CHN2: variants seen among roughly 807,000 people sequenced by gnomAD.
CHN2 encodes the protein chimerin 2, also known as beta-chimaerin.
Under a neutral mutation model 56.3 loss-of-function variants are expected in CHN2, and 35 were observed. The ratio of observed to expected loss-of-function variants is 0.62; its 90% CI spans 0.47 to 0.82. The LOEUF is 0.82. CHN2 is among the 40% of genes least tolerant of loss of function. The probability of loss-of-function intolerance (pLI) is 0.00; values close to 1 mark genes in which losing one functional copy is unlikely to be tolerated. For synonymous variants in CHN2, 210 were observed against 212.8 expected (o/e 0.99, Z 0.12); for missense variants, 491 against 580.5 (o/e 0.85, Z 1.58).
At chr7:29,299,484 TCACTGTATCCAGCAA>T (rs1281424533) in intron 1 of CHN2, among the ~76,000 whole-genome samples, 2 of 152,152 alleles carry the variant, frequency 1.3e-5, no homozygotes, top group African/African-American at 4.8e-5. Context: ...AAATTTTTGC[TCACTGTATCCAGCAA>T]CACCGCCTCT....
rs193290902 is a variant in CHN2, at chr7:29,247,577, C to T, written c.49+52587C>T. On this transcript the variant is annotated intron_variant, in intron 1 of 12. Coordinates refer to ENST00000222792, the MANE Select transcript of CHN2 (RefSeq NM_004067.4). ...GTCTGTGCAGTGGCTAAGAAGGGGCCAGAATTTATTTGTTCTTTCCCCTTG... is the reference window on the plus strand; with the variant it reads ...GTCTGTGCAGTGGCTAAGAAGGGGCTAGAATTTATTTGTTCTTTCCCCTTG... Among the ~76,000 whole-genome samples the T allele has an allele frequency of 2.6e-5, 4 of 152,310 alleles. No homozygotes were observed. The East Asian group carries it at 7.7e-4, about 29-fold the overall frequency.
intron 1 of CHN2, among the ~76,000 whole-genome samples, chr7:29,265,238 G>C (rs1790041228): frequency 6.6e-6 from 1 of 152,158 alleles, no homozygotes. Context: ...GCTCCAAGTT[G>C]CCTCCTGACT....
chr7:29,393,727 T>G lies in CHN2; in HGVS notation c.176+17T>G. On this transcript the variant is annotated intron_variant, in intron 4 of 12. Coordinates refer to ENST00000222792, the MANE Select transcript of CHN2 (RefSeq NM_004067.4). Reference sequence around the variant, plus strand: ...TGGAAGAGAGTATGTATTATACTATTCTTTGTTTTAATAATTTAATAAGTA... The same window carrying G: ...TGGAAGAGAGTATGTATTATACTATGCTTTGTTTTAATAATTTAATAAGTA... 1 of 811,538 alleles carries G rather than the reference T, an allele frequency of 1.2e-6. No homozygotes were observed. Among genetic ancestry groups the G allele is most frequent in the Non-Finnish European group, 1.8e-6 (1 of 550,356 alleles). 50.3% of individuals were successfully genotyped at this position (811,538 alleles called of 1,614,324 possible). A position where few individuals can be genotyped will look rare whatever the true frequency, so the allele number is the denominator to read the frequency against.
intron 1 of CHN2, among the ~76,000 whole-genome samples, chr7:29,273,353 A>ATATATATATATATATATATATATATG (rs1790865228): frequency 1.6e-5 from 1 of 63,372 alleles, no homozygotes; most frequent in Non-Finnish European, 3.0e-5. Flanking sequence ...GTATATATAT[A>ATATATATATATATATATATATATATG]TATATATATA....
Position 29,361,606 on chromosome 7 carries a change from C to T in CHN2, c.89-6326C>T, listed in dbSNP as rs139987722. ...TTCCCCTTCCCTCCTCCAAGTCGCCCCTGGCTGGGGATTGTTCTTTGTTGG... is the reference window on the plus strand; with the variant it reads ...TTCCCCTTCCCTCCTCCAAGTCGCCTCTGGCTGGGGATTGTTCTTTGTTGG... On this transcript the variant is annotated intron_variant, in intron 2 of 12. Coordinates refer to ENST00000222792, the MANE Select transcript of CHN2 (RefSeq NM_004067.4). Among the ~76,000 whole-genome samples the T allele has an allele frequency of 5.5e-3, 830 of 152,282 alleles. 5 individuals carry two copies. The highest frequency in any genetic ancestry group is 0.019 in the African/African-American group (790 of 41,558).
At chr7:29,152,965 C>G (rs1793811999) in intron 2 of CHN2, among the ~76,000 whole-genome samples, 2 of 152,224 alleles carry the variant, frequency 1.3e-5, no homozygotes, top group African/African-American at 2.4e-5. Flanking sequence ...GAGTCATCCT[C>G]TATCTGAGGG....
At chr7:29,176,634 A>G (rs916743388) in intron 2 of CHN2, among the ~76,000 whole-genome samples, 2 of 152,220 alleles carry the variant, frequency 1.3e-5, no homozygotes, top group African/African-American at 4.8e-5. Context: ...TTTTAGGAAG[A>G]AAAAAGAATA....
chr7:29,256,085 GT>G (rs1349846476), intron 1 of CHN2, among the ~76,000 whole-genome samples: 1 of 152,062 alleles, frequency 6.6e-6, no homozygotes, highest in South Asian at 2.1e-4. Context: ...CTTTCTTTTC[GT>G]TCATTTCATG....
intron 2 of CHN2, among the ~76,000 whole-genome samples, chr7:29,153,554 C>G (rs948619664): frequency 6.6e-6 from 1 of 152,042 alleles, no homozygotes; most frequent in Non-Finnish European, 1.5e-5. Flanking sequence ...ACAGTAAATA[C>G]ATTTTCTCTC....
At chr7:29,359,361 A>G (rs567373396) in intron 2 of CHN2, among the ~76,000 whole-genome samples, 38 of 152,220 alleles carry the variant, frequency 2.5e-4, no homozygotes, top group South Asian at 6.2e-4. Flanking sequence ...AATATTTTAT[A>G]TAAATTATAG....
chr7:29,213,567 A>C (rs1785120047), intron 1 of CHN2, among the ~76,000 whole-genome samples: 1 of 152,188 alleles, frequency 6.6e-6, no homozygotes, highest in Non-Finnish European at 1.5e-5. Flanking sequence ...TACAAGTACA[A>C]ATTTGTGTGA....
chr7:29,396,965 C>T (rs1375186184), intron 4 of CHN2: 1 of 152,388 alleles, frequency 6.6e-6, no homozygotes, highest in Non-Finnish European at 1.5e-5. Flanking sequence ...CCCCCTGAGA[C>T]TGGGCTCTGC....
chr7:29,163,154 C>T (rs753099480), intron 2 of CHN2, among the ~76,000 whole-genome samples: 2 of 150,592 alleles, frequency 1.3e-5, no homozygotes, highest in Non-Finnish European at 3.0e-5. Context: ...AAAAAAGATA[C>T]TCAATTCTAT....
chr7:29,195,629 A>AGAGAGAGGGAGAGAGG (rs869037854), intron 1 of CHN2, among the ~76,000 whole-genome samples: 1 of 117,504 alleles, frequency 8.5e-6, no homozygotes, highest in African/African-American at 3.6e-5. Context: ...AGAGAGAGAG[A>AGAGAGAGGGAGAGAGG]GTGTGTGTGT....
chr7:29,398,747 A>G (rs752684355), intron 5 of CHN2, among the ~76,000 whole-genome samples: 11 of 142,564 alleles, frequency 7.7e-5, no homozygotes, highest in Non-Finnish European at 1.5e-4. Flanking sequence ...GGCACACACC[A>G]CCATGACTGG....
At chr7:29,506,776 G>A (rs1790617377) in intron 10 of CHN2, among the ~76,000 whole-genome samples, 1 of 152,172 alleles carries the variant, frequency 6.6e-6, no homozygotes, top group South Asian at 2.1e-4. Flanking sequence ...CAGTGAGCCT[G>A]AAAGAAACAA....
At chr7:29,310,526 T>C (rs911639376) in intron 1 of CHN2, among the ~76,000 whole-genome samples, 4 of 152,272 alleles carry the variant, frequency 2.6e-5, no homozygotes, top group Non-Finnish European at 5.9e-5. Context: ...TCCCAAATTT[T>C]CTGTATTTAA....
chr7:29,480,449 A>G (rs1787069798), intron 7 of CHN2, 93 bp downstream of exon 7: 2 of 1,304,148 alleles, frequency 1.5e-6, no homozygotes, highest in African/African-American at 2.9e-5. Flanking sequence ...CTGTAAAGTC[A>G]AGAGACAATG....
chr7:29,370,410 A>C (rs1316858314), intron 3 of CHN2, among the ~76,000 whole-genome samples: 2 of 152,208 alleles, frequency 1.3e-5, no homozygotes, highest in Non-Finnish European at 2.9e-5. Context: ...TACATAAAGC[A>C]GTAAAGGCTG....
Sources: allele counts gnomAD v4.1 joint callset (sites outside exome capture counted in the v4.1 genomes callset), GRCh38; gene constraint gnomAD v4.1.1; transcripts MANE v1.5; gene names NCBI Gene and HGNC (gene_info 2026-07-23, HGNC 2026-07-21).